The following KLHL8 variants were observed in gnomAD, a reference collection of about 807,000 sequenced individuals.
KLHL8 encodes kelch-like protein 8.
KLHL8 carries 38 observed loss-of-function variants against 63.5 expected under a neutral mutation model. The observed-to-expected ratio is 0.60, with a 90% CI of 0.46 to 0.78. The LOEUF is 0.78. KLHL8 is among the 30% of genes least tolerant of loss of function. The probability of loss-of-function intolerance (pLI) is 0.00; values close to 1 mark genes in which losing one functional copy is unlikely to be tolerated. For missense variants in KLHL8, 566 were observed against 752.4 expected (o/e 0.75, Z 2.90); for synonymous variants, 224 against 254.3 (o/e 0.88, Z 1.13).
intron 1 of KLHL8, among the ~76,000 whole-genome samples, chr4:87,205,622 C>T (rs2110032959): frequency 6.6e-6 from 1 of 152,260 alleles, no homozygotes; most frequent in Non-Finnish European, 1.5e-5. Context: ...CACCACCATA[C>T]AGGGCTAATT....
chr4:87,220,049 C>T (rs984864648), intron 1 of KLHL8: 7 of 152,610 alleles, frequency 4.6e-5, no homozygotes, highest in African/African-American at 1.7e-4. Flanking sequence ...CTGGGCCCCT[C>T]TTCGAAAGAC....
chr4:87,226,609 ATT>A (rs1195657715), intron 1 of KLHL8, among the ~76,000 whole-genome samples: 1 of 54,844 alleles, frequency 1.8e-5, no homozygotes, highest in African/African-American at 9.3e-5. Flanking sequence ...TATATATATT[ATT>A]TATATAAATA....
intron 5 of KLHL8, among the ~76,000 whole-genome samples, chr4:87,177,751 C>T (rs1730884444): frequency 6.6e-6 from 1 of 151,998 alleles, no homozygotes; most frequent in Non-Finnish European, 1.5e-5. Flanking sequence ...AGACCACAGG[C>T]GTGCACCACT....
chr4:87,199,206 A>T (rs1731817101), intron 1 of KLHL8, among the ~76,000 whole-genome samples: 1 of 152,232 alleles, frequency 6.6e-6, no homozygotes, highest in African/African-American at 2.4e-5. Flanking sequence ...AAGAATTTTT[A>T]AAAACTGAAG....
chr4:87,174,260 GTA>G (rs754401717), intron 6 of KLHL8, among the ~76,000 whole-genome samples: 4 of 149,176 alleles, frequency 2.7e-5, no homozygotes, highest in Non-Finnish European at 1.5e-5. Context: ...ATGTGTGTGT[GTA>G]TATATATATA....
At chr4:87,210,295 C>G (rs1456251776) in intron 1 of KLHL8, among the ~76,000 whole-genome samples, 8 of 152,096 alleles carry the variant, frequency 5.3e-5, no homozygotes, top group Non-Finnish European at 5.9e-5. Flanking sequence ...TCGGCTAACA[C>G]GGTGAAACCG....
chr4:87,234,571 T>C (rs1481678668), intron 1 of KLHL8, among the ~76,000 whole-genome samples: 1 of 152,194 alleles, frequency 6.6e-6, no homozygotes, highest in African/African-American at 2.4e-5. Context: ...ACAAACCTAC[T>C]GTGTTGCCAG....
intron 5 of KLHL8, among the ~76,000 whole-genome samples, chr4:87,178,046 T>C (rs1730898253): frequency 6.6e-6 from 1 of 152,164 alleles, no homozygotes; most frequent in South Asian, 2.1e-4. Flanking sequence ...TTTATACTTT[T>C]ATAATAAAAA....
At chr4:87,199,355 T>A (rs1731822066) in intron 1 of KLHL8, among the ~76,000 whole-genome samples, 1 of 152,086 alleles carries the variant, frequency 6.6e-6, no homozygotes, top group African/African-American at 2.4e-5. Flanking sequence ...AAGACCTAAA[T>A]GTAGCCCTGA....
intron 1 of KLHL8, among the ~76,000 whole-genome samples, chr4:87,203,541 A>G (rs1164795439): frequency 6.6e-6 from 1 of 151,184 alleles, no homozygotes; most frequent in Non-Finnish European, 1.5e-5. Flanking sequence ...AAAAGAAAAA[A>G]AAAAAAAAAC....
intron 1 of KLHL8, among the ~76,000 whole-genome samples, chr4:87,198,566 A>G (rs1560707850): frequency 6.6e-6 from 1 of 152,226 alleles, no homozygotes; most frequent in East Asian, 1.9e-4. Flanking sequence ...AAAGCCATGC[A>G]GTATGATTCT....
At chr4:87,207,935 C>G in intron 1 of KLHL8, 1 of 1,011,994 alleles carries the variant, frequency 9.9e-7, no homozygotes, top group Non-Finnish European at 1.5e-6. Flanking sequence ...GCTGTCTCCT[C>G]CAACTTCAAC....
chr4:87,173,553 C>T (rs1730712520), intron 6 of KLHL8, among the ~76,000 whole-genome samples: 1 of 152,130 alleles, frequency 6.6e-6, no homozygotes, highest in African/African-American at 2.4e-5. Context: ...CCAGATATTT[C>T]ACATGTGAAA....
intron 1 of KLHL8, among the ~76,000 whole-genome samples, chr4:87,200,707 T>C (rs1208190456): frequency 2.0e-5 from 3 of 152,160 alleles, no homozygotes; most frequent in Non-Finnish European, 4.4e-5. Flanking sequence ...CTGGCTTCCA[T>C]AGCTGCTATG....
chr4:87,168,803 T>C (rs1022384388), intron 8 of KLHL8, among the ~76,000 whole-genome samples: 1 of 20,260 alleles, frequency 4.9e-5, no homozygotes, highest in East Asian at 3.2e-3. Context: ...TACACACATA[T>C]ATATACACAC....
chr4:87,220,001 C>G (rs973690249), intron 1 of KLHL8: 4 of 152,368 alleles, frequency 2.6e-5, no homozygotes, highest in East Asian at 1.9e-4. Flanking sequence ...CCAGCCGCAC[C>G]GCGCCTGCCC....
chr4:87,216,681 A>G (rs1384134432), intron 1 of KLHL8, among the ~76,000 whole-genome samples: 1 of 152,202 alleles, frequency 6.6e-6, no homozygotes, highest in East Asian at 1.9e-4. Flanking sequence ...TCTGACTCAT[A>G]AGAACCAACT....
intron 2 of KLHL8, among the ~76,000 whole-genome samples, chr4:87,186,220 G>A (rs929673775): frequency 6.6e-6 from 1 of 151,708 alleles, no homozygotes; most frequent in Non-Finnish European, 1.5e-5. Context: ...TGTGGGTTTT[G>A]TTTTTTCAGT....
intron 1 of KLHL8, among the ~76,000 whole-genome samples, chr4:87,239,754 A>G (rs1733295718): frequency 6.6e-6 from 1 of 152,202 alleles, no homozygotes; most frequent in African/African-American, 2.4e-5. Flanking sequence ...GGTAAGATTT[A>G]TTTGAGAAAC....
Sources: allele counts gnomAD v4.1 joint callset (sites outside exome capture counted in the v4.1 genomes callset), GRCh38; gene constraint gnomAD v4.1.1; transcripts MANE v1.5; gene names NCBI Gene and HGNC (gene_info 2026-07-23, HGNC 2026-07-21).